Variants in CCDC192 observed in about 807,000 individuals in gnomAD.
CCDC192 encodes the protein coiled-coil domain-containing protein 192.
chr5:127,785,878 A>T (rs1756509135), intron 3 of CCDC192: 1 of 382,980 alleles, frequency 2.6e-6, no homozygotes, highest in Non-Finnish European at 5.1e-6. Flanking sequence ...AGCAGCCACA[A>T]AGCCAGTGTC....
At chr5:127,855,967 G>T (rs1357346667) in intron 5 of CCDC192, among the ~76,000 whole-genome samples, 2 of 152,210 alleles carry the variant, frequency 1.3e-5, no homozygotes, top group Non-Finnish European at 2.9e-5. Context: ...AGGACCCTAG[G>T]ATTTTTGGAA....
chr5:127,728,759 A>G (rs1752474432), intron 2 of CCDC192, among the ~76,000 whole-genome samples: 1 of 152,226 alleles, frequency 6.6e-6, no homozygotes, highest in Non-Finnish European at 1.5e-5. Flanking sequence ...GGCAGGCTGA[A>G]TAAAGAGTCA....
intron 2 of CCDC192, among the ~76,000 whole-genome samples, chr5:127,740,605 A>T (rs921192395): frequency 6.6e-6 from 1 of 151,968 alleles, no homozygotes. Context: ...TTAATTTTTT[A>T]AATTTTTTAA....
At chr5:127,880,602 T>G (rs1010179912) in intron 6 of CCDC192, among the ~76,000 whole-genome samples, 6 of 149,868 alleles carry the variant, frequency 4.0e-5, no homozygotes, top group African/African-American at 1.5e-4. Flanking sequence ...TAAAGTATAA[T>G]AAAATAAATA....
intron 2 of CCDC192, among the ~76,000 whole-genome samples, chr5:127,722,097 C>T (rs1471663902): frequency 6.6e-6 from 1 of 152,146 alleles, no homozygotes; most frequent in African/African-American, 2.4e-5. Context: ...TATGAGGGTT[C>T]CCTTTTCTCC....
At chr5:127,811,042 A>G (rs1294463766) in intron 5 of CCDC192, among the ~76,000 whole-genome samples, 7 of 152,238 alleles carry the variant, frequency 4.6e-5, no homozygotes, top group Admixed American at 2.0e-4. Flanking sequence ...CTCCTGGTCT[A>G]TATACAACAC....
intron 3 of CCDC192, among the ~76,000 whole-genome samples, chr5:127,793,697 T>C (rs1415028954): frequency 1.3e-5 from 2 of 152,186 alleles, no homozygotes; most frequent in African/African-American, 2.4e-5. Context: ...TTTTGAGCAA[T>C]GATGTAAGGT....
At chr5:127,914,106 T>A (rs1753450537) in intron 6 of CCDC192, among the ~76,000 whole-genome samples, 1 of 151,956 alleles carries the variant, frequency 6.6e-6, no homozygotes, top group Admixed American at 6.6e-5. Context: ...GCAGAGAGAA[T>A]GAGTAGGAGG....
At chr5:127,784,125 C>T (rs1404058173) in intron 3 of CCDC192, among the ~76,000 whole-genome samples, 3 of 152,182 alleles carry the variant, frequency 2.0e-5, no homozygotes, top group African/African-American at 4.8e-5. Context: ...TGGCCATTTA[C>T]ATTCAATGTT....
intron 5 of CCDC192, chr5:127,857,840 C>T (rs1751166838): frequency 6.6e-6 from 1 of 152,152 alleles, no homozygotes. Context: ...TGGAGCCCAT[C>T]CACATTATTA....
chr5:127,703,558 T>C, intron 1 of CCDC192, 51 bp downstream of exon 1: 1 of 397,732 alleles, frequency 2.5e-6, no homozygotes. Context: ...AATTTCTGGA[T>C]AAAGTAGCTT....
At chr5:127,859,852 T>C (rs888675744) in intron 5 of CCDC192, among the ~76,000 whole-genome samples, 1 of 152,230 alleles carries the variant, frequency 6.6e-6, no homozygotes, top group African/African-American at 2.4e-5. Flanking sequence ...TTTACACATA[T>C]GTATTTCCAT....
At chr5:127,728,669 G>T (rs907078433) in intron 2 of CCDC192, among the ~76,000 whole-genome samples, 23 of 152,068 alleles carry the variant, frequency 1.5e-4, no homozygotes, top group Non-Finnish European at 3.1e-4. Context: ...TAGCATAATG[G>T]TGACAGGATC....
rs182684718 is a variant in CCDC192, at chr5:127,746,834, T to C, written c.115-7434T>C. Among the ~76,000 whole-genome samples the C allele has an allele frequency of 1.2e-4, 19 of 152,188 alleles. No individual in the cohort carries two copies. The East Asian group carries it at 2.5e-3, about 20-fold the overall frequency. On this transcript the variant is annotated intron_variant, in intron 2 of 6. Coordinates refer to ENST00000514853, the MANE Select transcript of CCDC192 (RefSeq NM_001317938.2). ...CAATATTTTTTTGCCCCTCCTCCCA[T>C]AGAATTCTGTTTATATCAGAGGCCA...
Position 127,887,766 on chromosome 5 carries a change from C to T in CCDC192, c.535+12105C>T, listed in dbSNP as rs563668279. 2.8e-3 allele frequency among the ~76,000 whole-genome samples: 420 copies of T among 150,890 alleles called. 2 individuals carry two copies. The highest frequency in any genetic ancestry group is 9.7e-3 in the African/African-American group (399 of 41,024). On this transcript the variant is annotated intron_variant, in intron 6 of 6. Transcript: ENST00000514853. ...TCACCCAGGCTGGAGTGCAGTGGCA[C>T]GATCTCGGCTCACTGCAAGCTCCAC...
intron 5 of CCDC192, among the ~76,000 whole-genome samples, chr5:127,860,659 CT>C (rs1418715091): frequency 6.6e-6 from 1 of 152,052 alleles, no homozygotes; most frequent in African/African-American, 2.4e-5. Context: ...TGCAATATTT[CT>C]TTCCTTAAAA....
intron 3 of CCDC192, among the ~76,000 whole-genome samples, chr5:127,794,369 G>T (rs1757046851): frequency 6.6e-6 from 1 of 152,134 alleles, no homozygotes; most frequent in African/African-American, 2.4e-5. Flanking sequence ...ATATAATTTT[G>T]TTGAAACTCA....
chr5:127,841,640 G>T (rs751887716), intron 5 of CCDC192, among the ~76,000 whole-genome samples: 1 of 152,124 alleles, frequency 6.6e-6, no homozygotes, highest in Admixed American at 6.5e-5. Context: ...CTGGAGTGGG[G>T]AGGCCCTGTG....
chr5:127,934,104 G>C (rs1376490027), intron 6 of CCDC192, among the ~76,000 whole-genome samples: 1 of 152,128 alleles, frequency 6.6e-6, no homozygotes, highest in Non-Finnish European at 1.5e-5. Context: ...TGTTCTACAG[G>C]CTCTCTGATC....
Sources: allele counts gnomAD v4.1 joint callset (sites outside exome capture counted in the v4.1 genomes callset), GRCh38; gene constraint gnomAD v4.1.1; transcripts MANE v1.5; gene names NCBI Gene and HGNC (gene_info 2026-07-23, HGNC 2026-07-21).